PLD5: variants seen among roughly 807,000 people sequenced by gnomAD.
PLD5 encodes the protein phospholipase D family member 5.
A neutral mutation model predicts 61.1 loss-of-function variants in PLD5; 36 were observed. The observed-to-expected ratio is 0.59, with a 90% CI of 0.45 to 0.78. PLD5 has a LOEUF of 0.78. Among genes scored for constraint, PLD5 ranks in the 30% least tolerant of loss-of-function variants. The pLI, the probability that PLD5 is intolerant of heterozygous loss-of-function variation, is 0.00. For synonymous variants in PLD5, 243 were observed against 242.8 expected (o/e 1.00, Z -0.01); for missense variants, 515 against 644.4 (o/e 0.80, Z 2.17).
At chr1:242,209,478 T>C (rs1360727129) in intron 5 of PLD5, 1 of 152,264 alleles carries the variant, frequency 6.6e-6, no homozygotes, top group African/African-American at 2.4e-5. Context: ...CATGTTTCCA[T>C]GCCACATTTT....
chr1:242,339,992 G>T (rs2342260), intron 2 of PLD5, among the ~76,000 whole-genome samples: 131,658 of 152,140 alleles, frequency 0.87, 57,698 homozygotes, highest in Non-Finnish European at 0.94. Flanking sequence ...TCCTCTTAGA[G>T]CTTAGAAAAT....
At chr1:242,376,891 G>A (rs1460428249) in intron 1 of PLD5, 9 of 1,571,852 alleles carry the variant, frequency 5.7e-6, no homozygotes, top group Non-Finnish European at 7.8e-6. Context: ...TTCCAATGTG[G>A]ACAGGGATTT....
chr1:242,411,231 T>TTTTG (rs1664532856), intron 1 of PLD5, among the ~76,000 whole-genome samples: 2 of 151,168 alleles, frequency 1.3e-5, no homozygotes, highest in Admixed American at 6.6e-5. Context: ...TGGTTTTGTT[T>TTTTG]TTTTGTTTTG....
In PLD5 at chr1:242,328,265, C is replaced by T. The variant is rs77314800; in HGVS notation, c.326+19841G>A. 7.0e-4 allele frequency among the ~76,000 whole-genome samples: 103 copies of T among 146,884 alleles called. 1 individual carries two copies. The East Asian group carries it at 0.011, about 16-fold the overall frequency. On this transcript the variant is annotated intron_variant, in intron 2 of 9. Coordinates refer to ENST00000536534, the MANE Select transcript of PLD5 (RefSeq NM_001372062.1). ...ATCAAGATGAACATATATATATATA[C>T]ACACACATATATATTATATATATGT...
At chr1:242,500,461 G>A (rs896772642) in intron 1 of PLD5, among the ~76,000 whole-genome samples, 3 of 152,172 alleles carry the variant, frequency 2.0e-5, no homozygotes, top group South Asian at 2.1e-4. Context: ...GCTAGGATAC[G>A]GAAAATAATT....
At chr1:242,464,017 A>G (rs747543621) in intron 1 of PLD5, among the ~76,000 whole-genome samples, 6 of 152,042 alleles carry the variant, frequency 3.9e-5, no homozygotes, top group African/African-American at 7.3e-5. Context: ...AAGGTTGCCC[A>G]TGGCCTCCAC....
chr1:242,424,191 T>G (rs1336162460), intron 1 of PLD5, among the ~76,000 whole-genome samples: 8 of 152,118 alleles, frequency 5.3e-5, no homozygotes, highest in Non-Finnish European at 1.2e-4. Flanking sequence ...TATTTTACAA[T>G]CCCTCTCAAT....
At chr1:242,183,307 A>G (rs1372639149) in intron 5 of PLD5, among the ~76,000 whole-genome samples, 1 of 152,040 alleles carries the variant, frequency 6.6e-6, no homozygotes, top group Non-Finnish European at 1.5e-5. Context: ...ATGTTATCCA[A>G]TGACTGTCAA....
chr1:242,508,807 A>C (rs1668811492), intron 1 of PLD5, among the ~76,000 whole-genome samples: 1 of 152,240 alleles, frequency 6.6e-6, no homozygotes, highest in Non-Finnish European at 1.5e-5. Context: ...AGGGCCAGGC[A>C]TAGTGGCTTA....
intron 2 of PLD5, among the ~76,000 whole-genome samples, chr1:242,329,883 A>G (rs900909273): frequency 6.6e-6 from 1 of 152,228 alleles, no homozygotes; most frequent in Admixed American, 6.5e-5. Context: ...ACCCAGCTTC[A>G]CAAGTGTTGA....
chr1:242,134,084 T>G (rs1332176298), intron 5 of PLD5, among the ~76,000 whole-genome samples: 1 of 152,218 alleles, frequency 6.6e-6, no homozygotes, highest in African/African-American at 2.4e-5. Flanking sequence ...TCGAAGAATC[T>G]ATTCTTTTGA....
At chr1:242,250,728 A>G (rs1348419034) in intron 4 of PLD5, among the ~76,000 whole-genome samples, 1 of 152,214 alleles carries the variant, frequency 6.6e-6, no homozygotes, top group African/African-American at 2.4e-5. Flanking sequence ...TAAAGCAAGG[A>G]AGGGACAGGA....
At chr1:242,134,851 C>T (rs150726327) in intron 5 of PLD5, among the ~76,000 whole-genome samples, 8 of 152,204 alleles carry the variant, frequency 5.3e-5, no homozygotes, top group Non-Finnish European at 1.0e-4. Flanking sequence ...GCTTCCCTGT[C>T]TGTGAAGTTC....
intron 1 of PLD5, among the ~76,000 whole-genome samples, chr1:242,440,836 C>T (rs1666240888): frequency 6.6e-6 from 1 of 152,224 alleles, no homozygotes; most frequent in African/African-American, 2.4e-5. Flanking sequence ...TCCTACTGCT[C>T]TGTCCATTAC....
intron 4 of PLD5, among the ~76,000 whole-genome samples, chr1:242,260,394 G>A (rs56350097): frequency 0.26 from 38,869 of 150,812 alleles, 5,659 homozygotes; most frequent in Non-Finnish European, 0.33. Context: ...TAAGCCAAGT[G>A]GTGGCAGCAA....
intron 5 of PLD5, among the ~76,000 whole-genome samples, chr1:242,192,645 G>A (rs1668355208): frequency 6.6e-6 from 1 of 152,172 alleles, no homozygotes; most frequent in African/African-American, 2.4e-5. Flanking sequence ...AGAAAGGATG[G>A]TAGTTTTAAC....
chr1:242,486,378 A>C (rs1667960688), intron 1 of PLD5, among the ~76,000 whole-genome samples: 1 of 152,140 alleles, frequency 6.6e-6, no homozygotes. Flanking sequence ...GAAAAAAACA[A>C]CCCCATCAAA....
intron 1 of PLD5, among the ~76,000 whole-genome samples, chr1:242,506,868 G>A (rs1295865298): frequency 6.6e-6 from 1 of 152,182 alleles, no homozygotes; most frequent in African/African-American, 2.4e-5. Context: ...GGCAATGCCA[G>A]CCTCTGCACC....
intron 1 of PLD5, among the ~76,000 whole-genome samples, chr1:242,519,299 T>C (rs919114980): frequency 1.3e-5 from 2 of 152,242 alleles, no homozygotes; most frequent in African/African-American, 2.4e-5. Flanking sequence ...TTGCTCCTCA[T>C]GTAAACAATT....
Sources: allele counts gnomAD v4.1 joint callset (sites outside exome capture counted in the v4.1 genomes callset), GRCh38; gene constraint gnomAD v4.1.1; transcripts MANE v1.5; gene names NCBI Gene and HGNC (gene_info 2026-07-23, HGNC 2026-07-21).